OSBPL10: variants seen among roughly 807,000 people sequenced by gnomAD.
OSBPL10 encodes the protein oxysterol binding protein like 10, also known as oxysterol-binding protein-related protein 10.
OSBPL10 carries 49 observed loss-of-function variants against 81.7 expected under a neutral mutation model. The observed-to-expected ratio is 0.60, with a 90% CI of 0.48 to 0.76. The LOEUF is 0.76. Among genes scored for constraint, OSBPL10 ranks in the 30% least tolerant of loss-of-function variants. The probability of loss-of-function intolerance (pLI) is 0.00; values close to 1 mark genes in which losing one functional copy is unlikely to be tolerated. For missense variants in OSBPL10, 923 were observed against 987.8 expected (o/e 0.93, Z 0.88); for synonymous variants, 419 against 383.6 (o/e 1.09, Z -1.08).
chr3:32,045,567 G>A (rs1014532727), intron 2 of OSBPL10, among the ~76,000 whole-genome samples: 5 of 152,186 alleles, frequency 3.3e-5, no homozygotes, highest in African/African-American at 1.2e-4. Flanking sequence ...ACCTAAAGGG[G>A]TTCCAAACTG....
intron 1 of OSBPL10, among the ~76,000 whole-genome samples, chr3:31,926,214 CAT>C (rs1697068642): frequency 6.7e-6 from 1 of 149,792 alleles, no homozygotes; most frequent in African/African-American, 2.5e-5. Flanking sequence ...CTTATAATAA[CAT>C]AAACAGTCAA....
intron 4 of OSBPL10, 122 bp from the exon 5 acceptor site, chr3:31,748,242 G>A (rs781040402): frequency 2.2e-5 from 18 of 827,552 alleles, no homozygotes; most frequent in Non-Finnish European, 3.3e-5. Context: ...CGTGTTCGGT[G>A]CACATTCGTC....
At chr3:31,819,246 C>T (rs895207818) in intron 4 of OSBPL10, among the ~76,000 whole-genome samples, 3 of 152,162 alleles carry the variant, frequency 2.0e-5, no homozygotes, top group African/African-American at 7.2e-5. Context: ...AGAAGGGTGA[C>T]GATGGCAGCT....
intron 6 of OSBPL10, among the ~76,000 whole-genome samples, chr3:31,708,106 T>A (rs1696131106): frequency 6.6e-6 from 1 of 152,180 alleles, no homozygotes; most frequent in African/African-American, 2.4e-5. Flanking sequence ...AATTTTTAAA[T>A]TTTTTATTAA....
chr3:31,774,371 CACA>C (rs1267871209), intron 4 of OSBPL10, among the ~76,000 whole-genome samples: 5 of 152,216 alleles, frequency 3.3e-5, no homozygotes, highest in South Asian at 2.1e-4. Flanking sequence ...GGAGAATTGC[CACA>C]ACAACGCCCT....
intron 1 of OSBPL10, among the ~76,000 whole-genome samples, chr3:31,946,811 A>G (rs1489508511): frequency 5.3e-5 from 8 of 152,298 alleles, no homozygotes; most frequent in Admixed American, 5.2e-4. Flanking sequence ...TTAGTGTTGC[A>G]TGCTTTAGAA....
intron 1 of OSBPL10, among the ~76,000 whole-genome samples, chr3:31,887,252 C>T (rs1026067676): frequency 4.6e-5 from 7 of 152,174 alleles, no homozygotes; most frequent in Admixed American, 4.6e-4. Flanking sequence ...GTTTATAAAA[C>T]TTCCAATCTA....
At chr3:31,846,144 C>T (rs10222676) in intron 3 of OSBPL10, among the ~76,000 whole-genome samples, 113,433 of 151,998 alleles carry the variant, frequency 0.75, 42,533 homozygotes, top group East Asian at 0.86. Flanking sequence ...TCCCGCGTGG[C>T]GGGGACAACA....
chr3:31,672,173 CAG>C (rs963588132), intron 8 of OSBPL10, among the ~76,000 whole-genome samples: 1 of 152,016 alleles, frequency 6.6e-6, no homozygotes, highest in African/African-American at 2.4e-5. Flanking sequence ...TTCCAGCTGC[CAG>C]ACATTCCTGG....
intron 1 of OSBPL10, among the ~76,000 whole-genome samples, chr3:31,888,260 C>T (rs1695794239): frequency 6.6e-6 from 1 of 152,170 alleles, no homozygotes. Flanking sequence ...GCGGGGACAA[C>T]TGGATATCCA....
intron 7 of OSBPL10, among the ~76,000 whole-genome samples, chr3:31,685,712 C>T (rs1700776274): frequency 6.6e-6 from 1 of 152,184 alleles, no homozygotes; most frequent in African/African-American, 2.4e-5. Flanking sequence ...CCCTCACTCC[C>T]ATGAAAACAT....
chr3:32,020,078 T>G (rs1157555583), intron 2 of OSBPL10, among the ~76,000 whole-genome samples: 1 of 152,228 alleles, frequency 6.6e-6, no homozygotes, highest in Non-Finnish European at 1.5e-5. Flanking sequence ...ATCCACTCTT[T>G]GGGTACAATT....
At chr3:31,758,696 C>T (rs1473328723) in intron 4 of OSBPL10, among the ~76,000 whole-genome samples, 1 of 152,230 alleles carries the variant, frequency 6.6e-6, no homozygotes, top group African/African-American at 2.4e-5. Context: ...GAAAACTCCA[C>T]CCCTGGATCA....
At chr3:31,777,161 A>T (rs775634660) in intron 4 of OSBPL10, among the ~76,000 whole-genome samples, 1 of 152,216 alleles carries the variant, frequency 6.6e-6, no homozygotes, top group Non-Finnish European at 1.5e-5. Context: ...TCACATTGTG[A>T]AGGGACTCCT....
chr3:31,993,254 G>C (rs1414362052), intron 2 of OSBPL10, among the ~76,000 whole-genome samples: 2 of 150,518 alleles, frequency 1.3e-5, no homozygotes, highest in Non-Finnish European at 3.0e-5. Flanking sequence ...TTGTTGACCA[G>C]GCTGGAGTGC....
chr3:31,998,872 T>C (rs1437544915), intron 2 of OSBPL10, among the ~76,000 whole-genome samples: 1 of 152,240 alleles, frequency 6.6e-6, no homozygotes, highest in Non-Finnish European at 1.5e-5. Flanking sequence ...CTTTTTCAAC[T>C]ATCTTGGATA....
intron 4 of OSBPL10, among the ~76,000 whole-genome samples, chr3:31,763,327 ATAG>A (rs1298147209): frequency 6.6e-6 from 1 of 152,210 alleles, no homozygotes; most frequent in African/African-American, 2.4e-5. Context: ...CAAATACTGG[ATAG>A]TAGATCAGTT....
chr3:31,771,079 A>C (rs1441217697), intron 4 of OSBPL10, among the ~76,000 whole-genome samples: 1 of 152,180 alleles, frequency 6.6e-6, no homozygotes, highest in Non-Finnish European at 1.5e-5. Flanking sequence ...ATGAGGAATG[A>C]ATCAGTCCAT....
At chr3:31,833,510 A>T (rs1001110714) in intron 3 of OSBPL10, among the ~76,000 whole-genome samples, 1 of 152,276 alleles carries the variant, frequency 6.6e-6, no homozygotes, top group Admixed American at 6.5e-5. Context: ...ATCACTGAAA[A>T]CTTGAACAAT....
Sources: gnomAD v4.1 joint callset for allele counts (sites outside exome capture counted in the v4.1 genomes callset) on GRCh38, gnomAD v4.1.1 for gene constraint, MANE v1.5 for transcripts, NCBI Gene and HGNC (gene_info 2026-07-23, HGNC 2026-07-21) for gene names.